The following RALYL variants were observed in gnomAD, a reference collection of about 807,000 sequenced individuals.
RALYL encodes RNA-binding Raly-like protein.
In RALYL, 29 loss-of-function variants were observed where a neutral mutation model predicts 35.1. The observed-to-expected ratio is 0.83, with a 90% CI of 0.61 to 1.13. The LOEUF is 1.13. Ranked by LOEUF, RALYL falls within the 50% of genes most tolerant of loss-of-function variation. The probability of loss-of-function intolerance (pLI) is 0.00; values close to 1 mark genes in which losing one functional copy is unlikely to be tolerated. For missense variants in RALYL, 359 were observed against 360.4 expected, an observed-to-expected ratio of 1.00 and a Z score of 0.03; for synonymous variants, 120 against 127.6, an observed-to-expected ratio of 0.94 and a Z score of 0.40.
intron 2 of RALYL, among the ~76,000 whole-genome samples, chr8:84,749,227 G>A (rs1208025245): frequency 2.0e-5 from 3 of 152,198 alleles, no homozygotes; most frequent in Non-Finnish European, 4.4e-5. Flanking sequence ...ATGGTTCTCA[G>A]CCTAAACACT....
chr8:84,256,194 G>A (rs1831181535), intron 1 of RALYL, among the ~76,000 whole-genome samples: 1 of 152,052 alleles, frequency 6.6e-6, no homozygotes. Flanking sequence ...TTCTGTTCTA[G>A]TTTTGAGTCT....
chr8:84,888,160 C>A (rs1036088820), intron 8 of RALYL, among the ~76,000 whole-genome samples: 2 of 152,146 alleles, frequency 1.3e-5, no homozygotes, highest in Admixed American at 1.3e-4. Flanking sequence ...GGTTTACTAA[C>A]TGATGATAAT....
intron 1 of RALYL, chr8:84,185,381 G>A: frequency 3.8e-6 from 1 of 263,330 alleles, no homozygotes; most frequent in East Asian, 7.2e-5. Flanking sequence ...TGATGATTTC[G>A]TGTGTTGGTA....
intron 2 of RALYL, among the ~76,000 whole-genome samples, chr8:84,586,967 C>T (rs1188344614): frequency 6.6e-6 from 1 of 152,090 alleles, no homozygotes; most frequent in African/African-American, 2.4e-5. Context: ...ACTGTCCAAG[C>T]CTAAAATATT....
At chr8:84,366,830 A>ATGTGC (rs1447310916) in intron 1 of RALYL, among the ~76,000 whole-genome samples, 5 of 151,090 alleles carry the variant, frequency 3.3e-5, no homozygotes, top group Non-Finnish European at 5.9e-5. Flanking sequence ...TCTGTACAAC[A>ATGTGC]TGTGCTGTTC....
chr8:84,877,827 A>T (rs1841459412), intron 7 of RALYL, among the ~76,000 whole-genome samples: 1 of 152,180 alleles, frequency 6.6e-6, no homozygotes, highest in African/African-American at 2.4e-5. Context: ...TGACTGCTGT[A>T]GCCTATAACA....
At chr8:84,569,119 GC>G (rs1171446756) in intron 2 of RALYL, among the ~76,000 whole-genome samples, 4 of 151,838 alleles carry the variant, frequency 2.6e-5, no homozygotes, top group Admixed American at 6.6e-5. Flanking sequence ...TGAAGTCCTT[GC>G]CCATGCCTAT....
chr8:84,835,443 G>A (rs1050962421), intron 4 of RALYL, among the ~76,000 whole-genome samples: 10 of 150,130 alleles, frequency 6.7e-5, no homozygotes, highest in Middle Eastern at 3.5e-3. Context: ...CGAGGTGAGC[G>A]GATCATCTGA....
intron 2 of RALYL, among the ~76,000 whole-genome samples, chr8:84,762,926 C>T (rs1329884822): frequency 6.6e-6 from 1 of 152,082 alleles, no homozygotes; most frequent in Non-Finnish European, 1.5e-5. Flanking sequence ...CTTTATTCTT[C>T]TGCTCAGAAT....
chr8:84,876,944 A>G (rs893032032), intron 7 of RALYL, among the ~76,000 whole-genome samples: 2 of 152,196 alleles, frequency 1.3e-5, no homozygotes, highest in Non-Finnish European at 2.9e-5. Context: ...GAACTTTTCA[A>G]TACTGCTACT....
intron 2 of RALYL, among the ~76,000 whole-genome samples, chr8:84,720,422 A>C (rs1843679249): frequency 6.6e-6 from 1 of 152,162 alleles, no homozygotes; most frequent in Non-Finnish European, 1.5e-5. Context: ...CTCTTCAACA[A>C]AGGGTGCTGG....
At chr8:84,231,143 G>T (rs10958214) in intron 1 of RALYL, among the ~76,000 whole-genome samples, 125 of 152,264 alleles carry the variant, frequency 8.2e-4, no homozygotes, top group African/African-American at 2.9e-3. Context: ...CAAAGAAGTC[G>T]TATCCTTTCT....
chr8:84,397,792 G>A (rs1348971555), intron 1 of RALYL, among the ~76,000 whole-genome samples: 3 of 152,124 alleles, frequency 2.0e-5, no homozygotes, highest in Non-Finnish European at 4.4e-5. Context: ...CAAGCAAAAA[G>A]CTGAACTCAG....
At chr8:84,310,467 G>A (rs979804276) in intron 1 of RALYL, among the ~76,000 whole-genome samples, 1 of 151,308 alleles carries the variant, frequency 6.6e-6, no homozygotes, top group African/African-American at 2.4e-5. Context: ...AAAGCAAAAA[G>A]AAAAATGGAA....
intron 1 of RALYL, among the ~76,000 whole-genome samples, chr8:84,270,553 CGTGTGTGTGTGT>C (rs34047869): frequency 1.4e-5 from 2 of 147,356 alleles, no homozygotes; most frequent in Admixed American, 1.4e-4. Context: ...ACATGAAATT[CGTGTGTGTGTGT>C]GTGTGTGTGT....
chr8:84,490,732 T>C (rs892454158), intron 1 of RALYL, among the ~76,000 whole-genome samples: 3 of 150,898 alleles, frequency 2.0e-5, no homozygotes, highest in Non-Finnish European at 4.4e-5. Flanking sequence ...ATTATTATTA[T>C]ACTTTTAAGT....
intron 2 of RALYL, among the ~76,000 whole-genome samples, chr8:84,555,742 A>G (rs1474574604): frequency 1.3e-5 from 2 of 152,244 alleles, no homozygotes; most frequent in Non-Finnish European, 2.9e-5. Flanking sequence ...TTCTCACCAC[A>G]GAGATAATCT....
At chr8:84,338,846 A>T (rs1211859925) in intron 1 of RALYL, among the ~76,000 whole-genome samples, 1 of 152,148 alleles carries the variant, frequency 6.6e-6, no homozygotes, top group East Asian at 1.9e-4. Flanking sequence ...TTTACAGAAT[A>T]TTATTATTTT....
intron 2 of RALYL, among the ~76,000 whole-genome samples, chr8:84,557,612 T>C (rs1321903237): frequency 1.3e-5 from 2 of 152,210 alleles, no homozygotes; most frequent in African/African-American, 4.8e-5. Flanking sequence ...TGACTCATAC[T>C]TTAATTTAAA....
Sources: allele counts gnomAD v4.1 joint callset (sites outside exome capture counted in the v4.1 genomes callset), GRCh38; gene constraint gnomAD v4.1.1; transcripts MANE v1.5; gene names NCBI Gene and HGNC (gene_info 2026-07-23, HGNC 2026-07-21).